Variants in HS3ST3A1 observed in about 807,000 individuals in gnomAD.
HS3ST3A1 encodes the protein heparan sulfate-glucosamine 3-sulfotransferase 3A1.
In HS3ST3A1, 19 loss-of-function variants were observed where a neutral mutation model predicts 25.7. The ratio of observed to expected loss-of-function variants is 0.74; its 90% confidence interval spans 0.52 to 1.08. The LOEUF (loss-of-function observed/expected upper bound fraction) is 1.08. Among genes scored for constraint, HS3ST3A1 ranks in the 50% least tolerant of loss-of-function variants. The pLI is 0.00. For missense variants in HS3ST3A1, 459 were observed against 594.3 expected (o/e 0.77, Z 2.37); for synonymous variants, 226 against 278.6 (o/e 0.81, Z 1.88).
intron 1 of HS3ST3A1, among the ~76,000 whole-genome samples, chr17:13,562,072 T>C (rs771855047): frequency 7.9e-5 from 12 of 152,028 alleles, no homozygotes; most frequent in Non-Finnish European, 1.8e-4. Context: ...AGACCAGCGT[T>C]TGTGACAGGT....
intron 1 of HS3ST3A1, among the ~76,000 whole-genome samples, chr17:13,530,367 A>G (rs191403441): frequency 6.6e-6 from 1 of 152,248 alleles, no homozygotes; most frequent in Admixed American, 6.5e-5. Context: ...TAGTTCACAT[A>G]CATCATCTCT....
chr17:13,580,510 A>G (rs895148086), intron 1 of HS3ST3A1, among the ~76,000 whole-genome samples: 16 of 152,326 alleles, frequency 1.1e-4, no homozygotes, highest in Middle Eastern at 3.4e-3. Flanking sequence ...TCAATTAAAA[A>G]CAAGTTAATA....
chr17:13,527,812 T>C (rs1045635797), intron 1 of HS3ST3A1, among the ~76,000 whole-genome samples: 110 of 152,358 alleles, frequency 7.2e-4, no homozygotes, highest in Admixed American at 3.9e-4. Context: ...CTCCCCTCCA[T>C]TATCTGTAAT....
intron 1 of HS3ST3A1, among the ~76,000 whole-genome samples, chr17:13,542,918 C>G (rs1240904051): frequency 1.3e-5 from 2 of 152,028 alleles, no homozygotes; most frequent in African/African-American, 4.8e-5. Flanking sequence ...ATCAATCATG[C>G]CTATGTGATG....
At chr17:13,518,249 C>A (rs1293246825) in intron 1 of HS3ST3A1, among the ~76,000 whole-genome samples, 2 of 152,116 alleles carry the variant, frequency 1.3e-5, no homozygotes, top group Non-Finnish European at 2.9e-5. Context: ...ATAACTTAAT[C>A]ATTATTAGCT....
chr17:13,578,377 C>G (rs1424744533), intron 1 of HS3ST3A1, among the ~76,000 whole-genome samples: 1 of 141,666 alleles, frequency 7.1e-6, no homozygotes, highest in Non-Finnish European at 1.5e-5. Context: ...GTGAAATCCC[C>G]GTCTCTACAA....
chr17:13,590,403 A>C (rs1908393790), intron 1 of HS3ST3A1, among the ~76,000 whole-genome samples: 1 of 152,194 alleles, frequency 6.6e-6, no homozygotes, highest in African/African-American at 2.4e-5. Flanking sequence ...AATCTGCCAA[A>C]ACTAAACTTA....
intron 1 of HS3ST3A1, among the ~76,000 whole-genome samples, chr17:13,558,205 G>A (rs547337223): frequency 2.0e-5 from 3 of 152,170 alleles, no homozygotes; most frequent in African/African-American, 4.8e-5. Flanking sequence ...CTTGAGCCCA[G>A]GAGTTAGAGA....
At chr17:13,537,828 T>G (rs1398590606) in intron 1 of HS3ST3A1, among the ~76,000 whole-genome samples, 2 of 152,206 alleles carry the variant, frequency 1.3e-5, no homozygotes, top group Admixed American at 6.5e-5. Context: ...AGCATTTTCC[T>G]ACAGTTCACA....
At chr17:13,541,165 C>T (rs998001265) in intron 1 of HS3ST3A1, among the ~76,000 whole-genome samples, 6 of 152,132 alleles carry the variant, frequency 3.9e-5, no homozygotes, top group Admixed American at 6.5e-5. Context: ...CCAAAGATTT[C>T]CTATCTCCTC....
chr17:13,521,326 G>A lies in HS3ST3A1; in HGVS notation c.600-24508C>T, dbSNP rs75725121. On this transcript the variant is annotated intron_variant, in intron 1 of 1. Transcript: ENST00000284110. ...GTCAGCCCTTCCAAAATGTAGTCTTGATCTTGGGAAAAGAAGTAATTAGCC... is the reference window on the plus strand; with the variant it reads ...GTCAGCCCTTCCAAAATGTAGTCTTAATCTTGGGAAAAGAAGTAATTAGCC... Among the ~76,000 whole-genome samples, 36 of 152,200 alleles carry A rather than the reference G, an allele frequency of 2.4e-4. 1 individual carries two copies. The highest frequency in any genetic ancestry group is 7.3e-5 in the Non-Finnish European group (5 of 68,032).
chr17:13,580,454 T>C (rs1177846033), intron 1 of HS3ST3A1, among the ~76,000 whole-genome samples: 1 of 152,178 alleles, frequency 6.6e-6, no homozygotes, highest in Admixed American at 6.5e-5. Flanking sequence ...CAGCAAAACA[T>C]CACACTGTAC....
intron 1 of HS3ST3A1, among the ~76,000 whole-genome samples, 191 bp from the exon 2 acceptor site, chr17:13,497,009 A>G (rs965167912): frequency 1.3e-5 from 2 of 152,176 alleles, no homozygotes; most frequent in African/African-American, 4.8e-5. Context: ...GAGAATAATA[A>G]TATTACCCAT....
Position 13,600,599 on chromosome 17 carries a change from G to C in HS3ST3A1, c.531C>G (p.Asp177Glu), listed in dbSNP as rs368104034. 26 of 1,600,566 alleles carry C rather than the reference G, an allele frequency of 1.6e-5. No homozygotes were observed. In the South Asian group the frequency reaches 2.4e-4, roughly 15 times the overall value. ...GGGGCTCGGCGCCCACGGCGCGCAC[G>C]TCGGGGTGCACGCGCAGGAACTCCA... ...ALLEFLRVHP[D>E]VRAVGAEPHF... The change falls in exon 1 of 2, where the codon GAC becomes GAG. Residue 177 changes from aspartate (D) to glutamate (E), a missense_variant. Physicochemically the swap from Asp to Glu is conservative, Grantham distance 45. Transcript: ENST00000284110.
chr17:13,524,894 G>A (rs1906361698), intron 1 of HS3ST3A1, among the ~76,000 whole-genome samples: 1 of 152,074 alleles, frequency 6.6e-6, no homozygotes, highest in African/African-American at 2.4e-5. Flanking sequence ...GATGTTAGTG[G>A]TTATGCCATC....
rs200745329 is a variant in HS3ST3A1 at position 13,496,820 on chromosome 17, T to C, written c.600-2A>G. The C allele has an allele frequency of 6.2e-7, 1 of 1,608,886 alleles. No homozygotes were observed. Among genetic ancestry groups the C allele is most frequent in the Non-Finnish European group, 8.5e-7 (1 of 1,177,216 alleles). Reference sequence around the variant, plus strand: ...TCCAGGGTTCTGGGCATCAGGTCCCTGAGAAACGCAAAAAGGCATGTCAGA... The same window carrying C: ...TCCAGGGTTCTGGGCATCAGGTCCCCGAGAAACGCAAAAAGGCATGTCAGA... On this transcript the variant is annotated splice_acceptor_variant, in intron 1 of 1. Coordinates refer to ENST00000284110, the MANE Select transcript of HS3ST3A1 (RefSeq NM_006042.3). LOFTEE classifies it high-confidence loss of function.
intron 1 of HS3ST3A1, among the ~76,000 whole-genome samples, chr17:13,566,762 C>T (rs1907685623): frequency 6.6e-6 from 1 of 152,024 alleles, no homozygotes; most frequent in South Asian, 2.1e-4. Flanking sequence ...CTAACTCTCT[C>T]ATATTTTATG....
Position 13,579,943 on chromosome 17 carries a change from T to TA in HS3ST3A1, c.599+20587dup, listed in dbSNP as rs66568347. Among the ~76,000 whole-genome samples the TA allele has an allele frequency of 3.4e-3, 275 of 81,870 alleles. 2 individuals carry two copies. Among genetic ancestry groups the TA allele is most frequent in the East Asian group, 5.8e-3 (17 of 2,938 alleles). The allele number at this position is 81,870 out of a possible 152,430, so 53.7% of individuals were successfully genotyped here. Reference sequence around the variant, plus strand: ...GCCTGGGTGACAGAGTGACTCTGTCTAAAAAAAAAAAAAAAAAAAAAAAGA... The same window carrying TA: ...GCCTGGGTGACAGAGTGACTCTGTCTAAAAAAAAAAAAAAAAAAAAAAAAGA... On this transcript the variant is annotated intron_variant, in intron 1 of 1. Transcript: ENST00000284110.
chr17:13,504,502 G>A (rs1276761035), intron 1 of HS3ST3A1, among the ~76,000 whole-genome samples: 1 of 152,166 alleles, frequency 6.6e-6, no homozygotes, highest in Non-Finnish European at 1.5e-5. Context: ...AAGAGGGCAT[G>A]AGAGGGGCTT....
Sources: allele counts gnomAD v4.1 joint callset (sites outside exome capture counted in the v4.1 genomes callset), GRCh38; gene constraint gnomAD v4.1.1; transcripts MANE v1.5; gene names NCBI Gene and HGNC (gene_info 2026-07-23, HGNC 2026-07-21).